IDE: variants seen among roughly 807,000 people sequenced by gnomAD.
The protein encoded by IDE is insulin degrading enzyme.
Under a neutral mutation model 133.2 loss-of-function variants are expected in IDE, and 58 were observed. The ratio of observed to expected loss-of-function variants is 0.44; its 90% CI spans 0.35 to 0.54. IDE has a LOEUF of 0.54. Among genes scored for constraint, IDE ranks in the 20% least tolerant of loss-of-function variants. The pLI is 0.00. For synonymous variants in IDE, 396 were observed against 421.3 expected (o/e 0.94, Z 0.73); for missense variants, 981 against 1,234.0 (o/e 0.79, Z 3.07).
intron 15 of IDE, among the ~76,000 whole-genome samples, chr10:92,476,939 AC>A (rs1226348744): frequency 6.6e-6 from 1 of 151,714 alleles, no homozygotes; most frequent in East Asian, 2.0e-4. Flanking sequence ...TTTAAGACCA[AC>A]CTGGGCAACA....
At chr10:92,557,853 C>T (rs1257714717) in intron 1 of IDE, among the ~76,000 whole-genome samples, 1 of 91,820 alleles carries the variant, frequency 1.1e-5, no homozygotes, top group Non-Finnish European at 1.9e-5. Context: ...ACAACCTGGG[C>T]AACAGAGCAA....
At chr10:92,526,845 CAAA>C (rs1165598095) in intron 4 of IDE, among the ~76,000 whole-genome samples, 5 of 54,268 alleles carry the variant, frequency 9.2e-5, no homozygotes, top group Non-Finnish European at 7.5e-5. Context: ...GGCCCTGTCT[CAAA>C]AAAAAAAAAA....
At chr10:92,510,919 T>C (rs1003104984) in intron 5 of IDE, among the ~76,000 whole-genome samples, 4 of 151,198 alleles carry the variant, frequency 2.6e-5, no homozygotes, top group African/African-American at 9.7e-5. Flanking sequence ...AGCAAAATTC[T>C]ACTTTTGGAA....
chr10:92,461,954 G>A (rs1002259894), intron 21 of IDE, among the ~76,000 whole-genome samples: 5 of 152,254 alleles, frequency 3.3e-5, no homozygotes, highest in Admixed American at 6.5e-5. Context: ...GATTACAGGC[G>A]TGAGCCACTG....
chr10:92,475,236 G>C (rs1564604675), intron 16 of IDE, among the ~76,000 whole-genome samples: 1 of 152,134 alleles, frequency 6.6e-6, no homozygotes, highest in Admixed American at 6.6e-5. Context: ...CCCTCAGAAA[G>C]TTATCCCTAG....
At chr10:92,454,677 C>G (rs1844897900) in intron 24 of IDE, 138 bp from the exon 25 acceptor site, 2 of 648,074 alleles carry the variant, frequency 3.1e-6, no homozygotes, top group South Asian at 3.5e-5. Flanking sequence ...TGAGGCCGCT[C>G]TACCTAATAA....
chr10:92,527,653 T>C (rs1013411936), intron 4 of IDE, among the ~76,000 whole-genome samples: 2 of 152,224 alleles, frequency 1.3e-5, no homozygotes, highest in Non-Finnish European at 2.9e-5. Flanking sequence ...TTTCTGAATA[T>C]TTTACAGCTT....
At chr10:92,458,507 T>G (rs1318239996) in intron 22 of IDE, among the ~76,000 whole-genome samples, 5 of 111,456 alleles carry the variant, frequency 4.5e-5, no homozygotes, top group Non-Finnish European at 1.0e-4. Flanking sequence ...TTTTTTTTTT[T>G]TTTTTTTTTT....
chr10:92,484,736 AAAAAAAAGAAAGAAAG>A (rs1468091278), intron 13 of IDE, among the ~76,000 whole-genome samples: 5 of 152,182 alleles, frequency 3.3e-5, no homozygotes, highest in Admixed American at 1.3e-4. Flanking sequence ...CTGTCTCAAA[AAAAAAAAGAAAGAAAG>A]AAAAAAAGAA....
chr10:92,558,351 G>A (rs1217367399), intron 1 of IDE, among the ~76,000 whole-genome samples: 1 of 152,146 alleles, frequency 6.6e-6, no homozygotes, highest in East Asian at 1.9e-4. Context: ...ACCATGCCTG[G>A]CCAATAATAC....
intron 11 of IDE, chr10:92,497,683 C>G (rs776136207): frequency 1.9e-4 from 186 of 978,014 alleles, no homozygotes; most frequent in Middle Eastern, 5.2e-4. Context: ...CTTGAGCCAC[C>G]CTAGTCTGGT....
rs1191096582 is a variant in IDE at position 92,534,790 on chromosome 10, A to G, written c.284-5T>C. 7 of 1,604,230 alleles carry G rather than the reference A, an allele frequency of 4.4e-6. No individual in the cohort carries two copies. The highest frequency in any genetic ancestry group is 6.0e-6 in the Non-Finnish European group (7 of 1,172,618). On this transcript the variant is annotated splice_polypyrimidine_tract_variant and splice_region_variant and intron_variant, in intron 2 of 24. Transcript: ENST00000265986. ...TTGGAGGATCCGACAATGAACCTGA[A>G]AGAGAAAACACGTATATAATAAATC...
At chr10:92,534,806 A>G (rs1219992403) in intron 2 of IDE, 21 bp from the exon 3 acceptor site, 5 of 1,567,212 alleles carry the variant, frequency 3.2e-6, no homozygotes, top group African/African-American at 1.4e-5. Context: ...AAACACGTAT[A>G]TAATAAATCA....
intron 17 of IDE, among the ~76,000 whole-genome samples, chr10:92,472,341 G>A (rs779158984): frequency 7.2e-5 from 11 of 152,092 alleles, no homozygotes; most frequent in Non-Finnish European, 1.5e-4. Flanking sequence ...AGTAGGCTTC[G>A]TTTTGGAAAA....
chr10:92,464,689 G>C (rs1845578942), intron 20 of IDE, among the ~76,000 whole-genome samples: 1 of 152,282 alleles, frequency 6.6e-6, no homozygotes, highest in Admixed American at 6.5e-5. Flanking sequence ...GATTTTCTTT[G>C]AGATGGAGTC....
chr10:92,558,416 T>C (rs1186942062), intron 1 of IDE, among the ~76,000 whole-genome samples: 4 of 152,162 alleles, frequency 2.6e-5, no homozygotes, highest in African/African-American at 9.7e-5. Context: ...AGTGGCTTCT[T>C]AGATATGACA....
intron 21 of IDE, among the ~76,000 whole-genome samples, chr10:92,462,615 AAAT>A (rs1433409925): frequency 6.6e-6 from 1 of 152,178 alleles, no homozygotes; most frequent in African/African-American, 2.4e-5. Context: ...CTTAAAAAAA[AAAT>A]AATAAGTGGA....
intron 1 of IDE, among the ~76,000 whole-genome samples, chr10:92,555,465 C>T (rs951872359): frequency 3.3e-5 from 5 of 149,812 alleles, no homozygotes; most frequent in Admixed American, 6.7e-5. Flanking sequence ...CCATTGCACT[C>T]CAGCCTGGGC....
intron 18 of IDE, 29 bp downstream of exon 18, chr10:92,470,225 A>G: frequency 1.4e-6 from 2 of 1,459,600 alleles, no homozygotes; most frequent in South Asian, 2.4e-5. Flanking sequence ...AATGATCCAC[A>G]AAAGATTGCT....
Sources: gnomAD v4.1 joint callset for allele counts (sites outside exome capture counted in the v4.1 genomes callset) on GRCh38, gnomAD v4.1.1 for gene constraint, MANE v1.5 for transcripts, NCBI Gene and HGNC (gene_info 2026-07-23, HGNC 2026-07-21) for gene names.